ZNF160: variants seen among roughly 807,000 people sequenced by gnomAD.
The protein encoded by ZNF160 is zinc finger protein 160.
A neutral mutation model predicts 13.1 loss-of-function variants in ZNF160; 9 were observed. That is an observed-to-expected ratio of 0.69 (90% CI 0.41 to 1.20). The LOEUF is 1.20. ZNF160 is among the 50% of genes most tolerant of loss of function. The pLI is 0.01. For missense variants in ZNF160, 838 were observed against 988.0 expected (o/e 0.85, Z 2.04); for synonymous variants, 293 against 333.2 (o/e 0.88, Z 1.31).
intron 3 of ZNF160, among the ~76,000 whole-genome samples, chr19:53,079,036 C>T (rs1027370783): frequency 2.0e-5 from 3 of 152,058 alleles, no homozygotes; most frequent in Non-Finnish European, 4.4e-5. Flanking sequence ...AACACTGATG[C>T]AAAAGCCCTC....
chr19:53,068,194 C>T lies in ZNF160; in HGVS notation c.2340G>A (p.Met780Ile), dbSNP rs545488820. ...AACGCTTTTCTCCAGTGTGGATTGC[C>T]ATATGGGTAGTTAGACTTGATCTTA... ...FRVRSSLTTH[M>I]AIHTGEKRYK... The change falls in exon 6 of 6, where the codon ATG becomes ATA. Residue 780 changes from methionine to isoleucine, a missense_variant. Met to Ile is a conservative substitution (Grantham distance 10, BLOSUM62 1). Transcript: ENST00000683776. 6.2e-7 allele frequency: 1 copy of T among 1,614,140 alleles called. No individual in the cohort carries two copies. The highest frequency in any genetic ancestry group is 1.7e-5 in the Admixed American group (1 of 59,998).
intron 5 of ZNF160, chr19:53,073,070 C>T: frequency 1.2e-6 from 1 of 829,096 alleles, no homozygotes; most frequent in East Asian, 4.2e-5. Context: ...TATAAGTCAT[C>T]TCAAAAACCT....
intron 3 of ZNF160, among the ~76,000 whole-genome samples, chr19:53,081,410 C>A (rs1021266816): frequency 6.6e-6 from 1 of 151,978 alleles, no homozygotes; most frequent in African/African-American, 2.4e-5. Context: ...ATAAGCAAAT[C>A]AACAAGAAGA....
At chr19:53,080,165 C>A (rs1303337012) in intron 3 of ZNF160, among the ~76,000 whole-genome samples, 3 of 148,012 alleles carry the variant, frequency 2.0e-5, no homozygotes, top group Non-Finnish European at 4.4e-5. Context: ...GGAGTGCGAT[C>A]TTGGCTCACC....
In ZNF160 at chr19:53,084,220, CT is replaced by C. The variant is rs141893859; in HGVS notation, c.15+2041del. On this transcript the variant is annotated intron_variant, in intron 3 of 5. Transcript: ENST00000683776. ...CACCAGTGGCTGCCAGCTCAACCCC[CT>C]GGTACGTAAGGCACAGAAGCAAGTT... Among the ~76,000 whole-genome samples the C allele has an allele frequency of 4.0e-3, 606 of 152,310 alleles. 22 individuals are homozygous for C. The East Asian group carries it at 0.078, about 20-fold the overall frequency.
intron 3 of ZNF160, among the ~76,000 whole-genome samples, chr19:53,081,947 C>T (rs2084649110): frequency 6.6e-6 from 1 of 152,080 alleles, no homozygotes; most frequent in African/African-American, 2.4e-5. Flanking sequence ...CATAAAAAAA[C>T]AAAATCATGT....
At chr19:53,099,063 A>T (rs77469750) in intron 1 of ZNF160, among the ~76,000 whole-genome samples, 2 of 145,576 alleles carry the variant, frequency 1.4e-5, no homozygotes, top group Non-Finnish European at 3.0e-5. Context: ...ACAACCCCAG[A>T]GCAGGTGCTG....
chr19:53,073,466 G>A (rs763376120), intron 5 of ZNF160: 158 of 1,598,074 alleles, frequency 9.9e-5, no homozygotes, highest in Non-Finnish European at 1.3e-4. Context: ...TGGGGCAGCA[G>A]ATGCCAAGGA....
At chr19:53,095,809 T>G (rs952640778) in intron 1 of ZNF160, 1 of 134,608 alleles carries the variant, frequency 7.4e-6, no homozygotes, top group Non-Finnish European at 1.6e-5. Flanking sequence ...GAGATCAGCG[T>G]CTAACACAAA....
In ZNF160 at chr19:53,087,112, T is replaced by C. The variant is rs139116017; in HGVS notation, c.-45-791A>G. The stretch of plus-strand genomic sequence containing the variant: ...TCAGGAAGAAAGGCTGCTTGTCACT[T>C]GCAGCTGAGAGGCCAGGGAGTTCTA... On this transcript the variant is annotated intron_variant, in intron 2 of 5. Coordinates refer to ENST00000683776, the MANE Select transcript of ZNF160 (RefSeq NM_001322131.2). Among the ~76,000 whole-genome samples, 664 of 152,304 alleles carry C rather than the reference T, an allele frequency of 4.4e-3. 1 individual carries two copies. Among genetic ancestry groups the C allele is most frequent in the Middle Eastern group, 6.8e-3 (2 of 294 alleles).
In ZNF160 at chr19:53,067,078, G is replaced by A. The variant is rs1409873394; in HGVS notation, c.*999C>T. ...TTACAGGTGTGAGCCACCGCGCCTG[G>A]CCTCTCTCTTCAATTTCAAAACAAG... On this transcript the variant is annotated 3_prime_UTR_variant, in exon 6 of 6. Coordinates refer to ENST00000683776, the MANE Select transcript of ZNF160 (RefSeq NM_001322131.2). 1 of 152,156 alleles carries A rather than the reference G, an allele frequency of 6.6e-6. No homozygotes were observed. The highest frequency in any genetic ancestry group is 1.5e-5 in the Non-Finnish European group (1 of 68,054). 9.4% of individuals were successfully genotyped at this position (152,156 alleles called of 1,614,324 possible).
At chr19:53,086,012 C>T (rs1323138621) in intron 3 of ZNF160, 21 of 1,415,386 alleles carry the variant, frequency 1.5e-5, no homozygotes, top group African/African-American at 2.8e-5. Context: ...AGGACCCTCA[C>T]CCCGTCTCCA....
intron 1 of ZNF160, among the ~76,000 whole-genome samples, chr19:53,102,460 G>A (rs1270333897): frequency 1.3e-5 from 2 of 152,140 alleles, no homozygotes; most frequent in African/African-American, 4.8e-5. Context: ...TGTCTGAGGA[G>A]GCTCCTTCTT....
Position 53,070,244 on chromosome 19 carries a change from G to T in ZNF160, c.290C>A (p.Thr97Lys). 6.2e-7 allele frequency: 1 copy of T among 1,600,210 alleles called. No homozygotes were observed. The highest frequency in any genetic ancestry group is 1.1e-5 in the South Asian group (1 of 88,954). ...GVVTDIPPKC[T>K]IKDLLPKEKS... ...CTCTTTTGGTAGCAAATCCTTGATTGTACATTTAGGAGGGATATCTACAAG... is the reference window on the plus strand; with the variant it reads ...CTCTTTTGGTAGCAAATCCTTGATTTTACATTTAGGAGGGATATCTACAAG... Residue 97 changes from threonine (T) to lysine (K), a missense_variant, in exon 6 of 6, where the codon ACA (threonine) becomes AAA (lysine). Around this residue, in one of 3 missense-constraint regions of ZNF160, gnomAD observed 387 missense variants for 402.3 expected, o/e 0.96. Transcript: ENST00000683776.
intron 1 of ZNF160, chr19:53,095,506 C>T (rs1258570634): frequency 6.6e-6 from 1 of 151,856 alleles, no homozygotes. Flanking sequence ...ACTCTGAGAC[C>T]CGGTGGCTCT....
intron 1 of ZNF160, among the ~76,000 whole-genome samples, chr19:53,094,913 T>A (rs1371531131): frequency 1.3e-5 from 2 of 151,810 alleles, no homozygotes; most frequent in Non-Finnish European, 2.9e-5. Flanking sequence ...CCCGCTCCTT[T>A]CCCGGCCCTG....
rs762212240 is a variant in ZNF160, at chr19:53,068,552, T to G, written c.1982A>C (p.His661Pro). The G allele has an allele frequency of 1.9e-6, 3 of 1,613,674 alleles. No homozygotes were observed. Among genetic ancestry groups the G allele is most frequent in the East Asian group, 2.2e-5 (1 of 44,796 alleles). The part of the protein sequence containing the change: ...CNECGKAFSM[H>P]SNLTTHKVIH... Reference sequence around the variant, plus strand: ...GACCTTATGGGTAGTTAGGTTTGAATGCATACTAAAGGCTTTCCCACACTC... The same window carrying G: ...GACCTTATGGGTAGTTAGGTTTGAAGGCATACTAAAGGCTTTCCCACACTC... Residue 661 changes from histidine to proline, a missense_variant, in exon 6 of 6, where the codon CAT becomes CCT. By Grantham distance (77) the His-to-Pro change is moderately conservative. Coordinates refer to ENST00000683776, the MANE Select transcript of ZNF160 (RefSeq NM_001322131.2).
intron 3 of ZNF160, chr19:53,075,686 T>A (rs1388131742): frequency 2.1e-5 from 11 of 515,240 alleles, no homozygotes; most frequent in South Asian, 1.4e-4. Flanking sequence ...AACTAATAGA[T>A]CACTTCCATC....
rs546620892 is a variant in ZNF160 at position 53,067,908 on chromosome 19, C to A, written c.*169G>T. On this transcript the variant is annotated 3_prime_UTR_variant, in exon 6 of 6. Coordinates refer to ENST00000683776, the MANE Select transcript of ZNF160 (RefSeq NM_001322131.2). ...TAGTAACCTGCGAGGCCTGGATAGA[C>A]CCTCTGCCACATATGTTTACATGAT... 7.5e-6 allele frequency: 7 copies of A among 931,274 alleles called. No homozygotes were observed. Among genetic ancestry groups the A allele is most frequent in the African/African-American group, 3.3e-5 (2 of 60,464 alleles). 57.7% of individuals were successfully genotyped at this position (931,274 alleles called of 1,614,324 possible).
Sources: gnomAD v4.1 joint callset for allele counts (sites outside exome capture counted in the v4.1 genomes callset) on GRCh38, gnomAD v4.1.1 for gene constraint, gnomAD v4.1.1 regional missense constraint, MANE v1.5 for transcripts, NCBI Gene and HGNC (gene_info 2026-07-23, HGNC 2026-07-21) for gene names.